The following TENM4 variants were observed in gnomAD, a reference collection of about 807,000 sequenced individuals.
TENM4 encodes teneurin-4.
Under a neutral mutation model 243.3 loss-of-function variants are expected in TENM4, and 82 were observed. That is an observed-to-expected ratio of 0.34 (90% CI 0.28 to 0.40). TENM4 has a LOEUF of 0.40. Among genes scored for constraint, TENM4 ranks in the 10% least tolerant of loss-of-function variants. The probability of loss-of-function intolerance (pLI) is 1.00; values close to 1 mark genes in which losing one functional copy is unlikely to be tolerated. For synonymous variants in TENM4, 1,412 were observed against 1,456.3 expected (o/e 0.97, Z 0.69); for missense variants, 3,138 against 3,673.3 (o/e 0.85, Z 3.77).
chr11:78,743,798 G>T (rs1383012105), intron 19 of TENM4, among the ~76,000 whole-genome samples: 1 of 152,156 alleles, frequency 6.6e-6, no homozygotes, highest in East Asian at 1.9e-4. Context: ...GGAAGGCAAA[G>T]GGAGAAAAAC....
intron 28 of TENM4, among the ~76,000 whole-genome samples, chr11:78,693,829 C>T (rs1858888805): frequency 6.6e-6 from 1 of 152,170 alleles, no homozygotes. Context: ...GCCTGGCCAA[C>T]ATGGTGAAAC....
At chr11:78,910,708 A>G (rs115488752) in intron 6 of TENM4, among the ~76,000 whole-genome samples, 2,048 of 152,354 alleles carry the variant, frequency 0.013, 46 homozygotes, top group African/African-American at 0.046. Flanking sequence ...GATCAAAACA[A>G]TGAAGTCCAC....
At chr11:78,715,908 A>T (rs1859511302) in intron 25 of TENM4, among the ~76,000 whole-genome samples, 1 of 152,140 alleles carries the variant, frequency 6.6e-6, no homozygotes, top group African/African-American at 2.4e-5. Context: ...CTGCAGCGCC[A>T]CCTGTCTGCA....
At chr11:79,295,931 A>ACACACT (rs1856444740) in intron 2 of TENM4, among the ~76,000 whole-genome samples, 2 of 146,164 alleles carry the variant, frequency 1.4e-5, no homozygotes, top group African/African-American at 5.1e-5. Context: ...ACACACACAC[A>ACACACT]CTCCCCCAAA....
At chr11:79,234,844 G>T (rs376484514) in intron 2 of TENM4, among the ~76,000 whole-genome samples, 3 of 152,192 alleles carry the variant, frequency 2.0e-5, no homozygotes, top group Non-Finnish European at 2.9e-5. Flanking sequence ...AGTGGGGCCC[G>T]CAGTGAGCCT....
At chr11:79,143,738 G>A (rs1046917082) in intron 4 of TENM4, among the ~76,000 whole-genome samples, 1 of 151,022 alleles carries the variant, frequency 6.6e-6, no homozygotes, top group Non-Finnish European at 1.5e-5. Flanking sequence ...GGAAAACAAG[G>A]TATCCATATG....
chr11:79,154,165 C>T (rs1039851613), intron 3 of TENM4, among the ~76,000 whole-genome samples: 1 of 151,868 alleles, frequency 6.6e-6, no homozygotes, highest in Non-Finnish European at 1.5e-5. Context: ...TTAATTGGCT[C>T]ATGGTTCTGC....
At chr11:78,924,586 G>A (rs1287981021) in intron 6 of TENM4, 3 of 152,154 alleles carry the variant, frequency 2.0e-5, no homozygotes, top group African/African-American at 7.2e-5. Context: ...ACTGTAGTGA[G>A]TGTCAAAGGC....
At chr11:78,855,891 GCTT>G in intron 11 of TENM4, 70 bp downstream of exon 11, 2 of 1,407,380 alleles carry the variant, frequency 1.4e-6, no homozygotes, top group South Asian at 2.6e-5. Context: ...TCTGGATTGG[GCTT>G]CTTAACTTTG....
intron 6 of TENM4, among the ~76,000 whole-genome samples, chr11:78,989,232 T>C (rs1291318847): frequency 6.6e-6 from 1 of 152,252 alleles, no homozygotes; most frequent in East Asian, 1.9e-4. Context: ...TCTATTAACA[T>C]TAACCAGAGG....
intron 4 of TENM4, among the ~76,000 whole-genome samples, chr11:79,075,427 C>T (rs1374369447): frequency 1.3e-5 from 2 of 152,202 alleles, no homozygotes; most frequent in African/African-American, 2.4e-5. Context: ...TAACTTACTC[C>T]AAGAGGCTGA....
At chr11:78,705,442 G>A (rs1236594154) in intron 27 of TENM4, among the ~76,000 whole-genome samples, 2 of 152,230 alleles carry the variant, frequency 1.3e-5, no homozygotes, top group South Asian at 2.1e-4. Context: ...TGATGATCCT[G>A]CACCAGACCA....
chr11:79,369,708 C>T (rs1242621607), intron 1 of TENM4, among the ~76,000 whole-genome samples: 1 of 152,200 alleles, frequency 6.6e-6, no homozygotes, highest in Non-Finnish European at 1.5e-5. Context: ...GCTCTTCCCT[C>T]TCTACCAGCT....
intron 3 of TENM4, among the ~76,000 whole-genome samples, chr11:79,192,660 CTTGT>C (rs895809644): frequency 7.2e-5 from 11 of 152,022 alleles, no homozygotes; most frequent in Non-Finnish European, 1.5e-4. Context: ...CCTTTGTTCA[CTTGT>C]TTGTCTGCTG....
intron 6 of TENM4, among the ~76,000 whole-genome samples, chr11:79,022,989 C>T (rs114952189): frequency 2.1e-3 from 318 of 152,318 alleles, no homozygotes; most frequent in African/African-American, 7.4e-3. Flanking sequence ...AGTGAAGTAA[C>T]CTGCCTGAGG....
intron 9 of TENM4, among the ~76,000 whole-genome samples, chr11:78,864,350 A>C (rs562521953): frequency 0.039 from 5,506 of 139,968 alleles, 334 homozygotes; most frequent in African/African-American, 0.13. Context: ...AGGAGAATGA[A>C]GTGAACCTGG....
intron 21 of TENM4, 41 bp from the exon 22 acceptor site, chr11:78,729,684 A>C: frequency 6.4e-7 from 1 of 1,559,300 alleles, no homozygotes; most frequent in Non-Finnish European, 8.7e-7. Flanking sequence ...ACGGTCGTCG[A>C]CTCACCGAGT....
intron 3 of TENM4, among the ~76,000 whole-genome samples, chr11:79,169,364 G>A (rs973120340): frequency 1.1e-4 from 17 of 152,152 alleles, no homozygotes; most frequent in Non-Finnish European, 1.9e-4. Flanking sequence ...TGAGCATGCC[G>A]TTGAGTGATC....
rs531682016 is a variant in TENM4 at position 78,786,431 on chromosome 11, T to A, written c.2365+467A>T. 1.4e-4 allele frequency among the ~76,000 whole-genome samples: 21 copies of A among 152,348 alleles called. No homozygotes were observed. In the South Asian group the frequency reaches 3.9e-3, roughly 29 times the overall value. On this transcript the variant is annotated intron_variant, in intron 16 of 33. Coordinates refer to ENST00000278550, the MANE Select transcript of TENM4 (RefSeq NM_001098816.3). The stretch of plus-strand genomic sequence containing the variant: ...CATCCCAGCAAGATAATGCATTGGA[T>A]AATAATGGCTGCATGTACTGGGCAC...
Sources: allele counts gnomAD v4.1 joint callset (sites outside exome capture counted in the v4.1 genomes callset), GRCh38; gene constraint gnomAD v4.1.1; transcripts MANE v1.5; gene names NCBI Gene and HGNC (gene_info 2026-07-23, HGNC 2026-07-21).